The following ABCA12 variants were observed in gnomAD, a reference collection of about 807,000 sequenced individuals.
The protein encoded by ABCA12 is ATP binding cassette subfamily A member 12.
ABCA12 carries 156 observed loss-of-function variants against 293.5 expected under a neutral mutation model. That is an observed-to-expected ratio of 0.53 (90% CI 0.47 to 0.61). The LOEUF is 0.61. Ranked by LOEUF, ABCA12 falls within the 20% of genes least tolerant of loss-of-function variation. The pLI is 0.00. For synonymous variants in ABCA12, 1,063 were observed against 1,108.0 expected, an observed-to-expected ratio of 0.96 and a Z score of 0.81; for missense variants, 2,797 against 3,090.2, an observed-to-expected ratio of 0.91 and a Z score of 2.25.
chr2:215,011,374 C>T, intron 17 of ABCA12, 65 bp downstream of exon 17: 2 of 1,217,288 alleles, frequency 1.6e-6, no homozygotes, highest in Non-Finnish European at 1.2e-6. Context: ...AAAACTAAGA[C>T]AGAATAGACA....
rs566046504 is a variant in ABCA12, at chr2:215,057,125, A to G, written c.318-2461T>C. On this transcript the variant is annotated intron_variant, in intron 3 of 52. Transcript: ENST00000272895. ...ATGGCTGATTAAATAAAAAGAGACC[A>G]TATTGTTGGGGTATGGCAGAAAGTA... Among the ~76,000 whole-genome samples the G allele has an allele frequency of 1.2e-4, 19 of 152,174 alleles. No individual in the cohort carries two copies. The South Asian group carries it at 3.9e-3, about 32-fold the overall frequency.
chr2:215,002,430 G>A (rs1425441111), intron 20 of ABCA12, among the ~76,000 whole-genome samples: 3 of 152,094 alleles, frequency 2.0e-5, no homozygotes, highest in African/African-American at 7.2e-5. Context: ...GAAATCAACC[G>A]GGACAAAGGG....
rs1446017945 is a variant in ABCA12, at chr2:215,116,229, C to CT, written c.70-4540dup. Among the ~76,000 whole-genome samples the CT allele has an allele frequency of 2.6e-5, 4 of 151,974 alleles. No homozygotes were observed. The East Asian group carries it at 7.7e-4, about 29-fold the overall frequency. ...AATTTGTTTCTGCCTCATTGTGTAC[C>CT]TTCTTTGTCCAATTCCTGAAAACAC... On this transcript the variant is annotated intron_variant, in intron 1 of 52. Coordinates refer to ENST00000272895, the MANE Select transcript of ABCA12 (RefSeq NM_173076.3).
chr2:215,087,630 G>A (rs1388209989), intron 2 of ABCA12, among the ~76,000 whole-genome samples: 1 of 151,996 alleles, frequency 6.6e-6, no homozygotes, highest in African/African-American at 2.4e-5. Context: ...CATGCACAGG[G>A]TATGATATTA....
intron 2 of ABCA12, among the ~76,000 whole-genome samples, chr2:215,107,670 C>T (rs2106123830): frequency 6.6e-6 from 1 of 152,254 alleles, no homozygotes; most frequent in Non-Finnish European, 1.5e-5. Context: ...AGATGCCCAA[C>T]CATCAAAAAG....
chr2:214,958,423 G>A lies in ABCA12; in HGVS notation c.5971C>T (p.Leu1991=). 6.2e-7 allele frequency: 1 copy of A among 1,613,922 alleles called. No individual in the cohort carries two copies. The highest frequency in any genetic ancestry group is 2.2e-5 in the East Asian group (1 of 44,848). The change falls in exon 41 of 53, where the codon CTG becomes TTG. Residue 1991 remains leucine, a synonymous_variant. Coordinates refer to ENST00000272895, the MANE Select transcript of ABCA12 (RefSeq NM_173076.3). ...ACAGAGTAGCCCATCAAGATAGACA[G>A]TGCCACTAAAATATCGATTAAACTG... ...ISSLIDILVA[L]SILMGYSVTT... is the part of the protein sequence containing the mutation.
chr2:215,133,149 ATTTTTTTTTTTTTT>A (rs55641331), intron 1 of ABCA12, among the ~76,000 whole-genome samples: 671 of 34,804 alleles, frequency 0.019, 2 homozygotes, highest in African/African-American at 0.037. Flanking sequence ...GCTGGCTTTA[ATTTTTTTTTTTTTT>A]TTTTTTTTTT....
rs369763843 is a variant in ABCA12 at position 214,982,178 on chromosome 2, T to C, written c.4579+9A>G. The C allele has an allele frequency of 2.1e-5, 34 of 1,613,590 alleles. No individual in the cohort carries two copies. In the African/African-American group the frequency reaches 4.1e-4, roughly 20 times the overall value. The stretch of plus-strand genomic sequence containing the variant: ...GTTGGGTGGAGAAGTTCTGAGAAAC[T>C]ACTCATACCAGTTTTGTTCTTGGAT... On this transcript the variant is annotated intron_variant, in intron 30 of 52. Transcript: ENST00000272895.
At chr2:214,975,521 G>T (rs1399378167) in intron 34 of ABCA12, among the ~76,000 whole-genome samples, 1 of 152,038 alleles carries the variant, frequency 6.6e-6, no homozygotes, top group African/African-American at 2.4e-5. Flanking sequence ...TACCTAGCCT[G>T]GATTTCTTAA....
intron 14 of ABCA12, among the ~76,000 whole-genome samples, chr2:215,017,475 C>T (rs1700529182): frequency 6.6e-6 from 1 of 152,084 alleles, no homozygotes; most frequent in Non-Finnish European, 1.5e-5. Context: ...TGCTGTACGA[C>T]TTTTAAAAAG....
intron 36 of ABCA12, among the ~76,000 whole-genome samples, chr2:214,971,893 T>C (rs1403968462): frequency 6.6e-6 from 1 of 152,186 alleles, no homozygotes; most frequent in Non-Finnish European, 1.5e-5. Flanking sequence ...AGAGTTCTGG[T>C]TGCTGCATAT....
At chr2:215,068,641 C>A (rs1288077871) in intron 2 of ABCA12, among the ~76,000 whole-genome samples, 1 of 152,082 alleles carries the variant, frequency 6.6e-6, no homozygotes. Context: ...TCCTCTACTT[C>A]TTAATGTTTT....
At chr2:215,134,376 A>ATATATGTACATATATG (rs1703140649) in intron 1 of ABCA12, among the ~76,000 whole-genome samples, 1 of 136,632 alleles carries the variant, frequency 7.3e-6, no homozygotes, top group African/African-American at 2.8e-5. Context: ...GTATATATGT[A>ATATATGTACATATATG]TATATGTACA....
At chr2:215,036,582 A>G (rs900454385) in intron 8 of ABCA12, among the ~76,000 whole-genome samples, 7 of 152,212 alleles carry the variant, frequency 4.6e-5, no homozygotes, top group African/African-American at 1.4e-4. Flanking sequence ...TGGAAAATCA[A>G]AATTTGAAAA....
At chr2:214,945,779 A>G (rs902431933) in intron 48 of ABCA12, among the ~76,000 whole-genome samples, 7 of 152,336 alleles carry the variant, frequency 4.6e-5, no homozygotes, top group African/African-American at 1.7e-4. Context: ...TTTAAAAAAT[A>G]TACTTGTAAC....
chr2:215,124,084 G>T (rs145100220), intron 1 of ABCA12, among the ~76,000 whole-genome samples: 12,440 of 152,130 alleles, frequency 0.082, 1,156 homozygotes, highest in African/African-American at 0.23. Flanking sequence ...CCAGGTCACT[G>T]CAAATGCTGT....
intron 39 of ABCA12, among the ~76,000 whole-genome samples, chr2:214,965,227 T>C (rs1334422876): frequency 6.6e-6 from 1 of 151,970 alleles, no homozygotes; most frequent in Non-Finnish European, 1.5e-5. Flanking sequence ...AAAAATTAAC[T>C]CGAGATGGAT....
At chr2:215,097,632 T>C (rs1702273666) in intron 2 of ABCA12, among the ~76,000 whole-genome samples, 1 of 152,142 alleles carries the variant, frequency 6.6e-6, no homozygotes, top group Admixed American at 6.5e-5. Flanking sequence ...ATTAACCTAA[T>C]CCCACTCTTG....
intron 20 of ABCA12, 142 bp downstream of exon 20, chr2:215,004,067 T>C: frequency 1.5e-6 from 1 of 664,030 alleles, no homozygotes; most frequent in Non-Finnish European, 2.6e-6. Flanking sequence ...AGGGGGGATA[T>C]ATCCAGGGTC....
Sources: allele counts gnomAD v4.1 joint callset (sites outside exome capture counted in the v4.1 genomes callset), GRCh38; gene constraint gnomAD v4.1.1; transcripts MANE v1.5; gene names NCBI Gene and HGNC (gene_info 2026-07-23, HGNC 2026-07-21).